The following CYP19A1 variants were observed in gnomAD, a reference collection of about 807,000 sequenced individuals.
The protein encoded by CYP19A1 is aromatase.
CYP19A1 carries 32 observed loss-of-function variants against 44.4 expected under a neutral mutation model. The ratio of observed to expected loss-of-function variants is 0.72; its 90% CI spans 0.54 to 0.97. The LOEUF (loss-of-function observed/expected upper bound fraction) is 0.97. CYP19A1 is among the 50% of genes least tolerant of loss of function. CYP19A1 has a pLI of 0.00. For synonymous variants in CYP19A1, 212 were observed against 215.6 expected, an observed-to-expected ratio of 0.98 and a Z score of 0.14; for missense variants, 598 against 637.8, an observed-to-expected ratio of 0.94 and a Z score of 0.67.
chr15:51,335,279 T>A (rs2036759251), intron 1 of CYP19A1, among the ~76,000 whole-genome samples: 2 of 152,040 alleles, frequency 1.3e-5, no homozygotes, highest in Admixed American at 1.3e-4. Flanking sequence ...AAACAATGAG[T>A]GGGCAACTCA....
intron 1 of CYP19A1, among the ~76,000 whole-genome samples, chr15:51,290,411 C>CTTT (rs1329689949): frequency 6.6e-6 from 1 of 152,132 alleles, no homozygotes; most frequent in Non-Finnish European, 1.5e-5. Flanking sequence ...AGTAAGAGCC[C>CTTT]TTTTTTATTC....
chr15:51,265,140 C>T (rs985034674), intron 1 of CYP19A1, among the ~76,000 whole-genome samples: 1 of 152,232 alleles, frequency 6.6e-6, no homozygotes, highest in African/African-American at 2.4e-5. Flanking sequence ...TTCCCAAGCA[C>T]ACTGCCCCGT....
chr15:51,212,292 A>G, intron 9 of CYP19A1, 28 bp downstream of exon 9: 1 of 1,480,662 alleles, frequency 6.8e-7, no homozygotes, highest in South Asian at 1.1e-5. Context: ...CAAGAGTGGC[A>G]CACTCAGTTT....
At chr15:51,305,614 G>A (rs982752993) in intron 1 of CYP19A1, among the ~76,000 whole-genome samples, 2 of 152,120 alleles carry the variant, frequency 1.3e-5, no homozygotes, top group Non-Finnish European at 2.9e-5. Flanking sequence ...AGGATGGAGT[G>A]CAATGGTGCA....
intron 4 of CYP19A1, among the ~76,000 whole-genome samples, chr15:51,223,593 TCACACACACACACACACACACA>T (rs5812545): frequency 1.1e-5 from 1 of 90,146 alleles, no homozygotes; most frequent in African/African-American, 4.2e-5. Context: ...TCTCTCTCTC[TCACACACACACACACACACACA>T]CACACACACA....
chr15:51,221,279 A>G (rs979520987), intron 5 of CYP19A1: 1 of 152,212 alleles, frequency 6.6e-6, no homozygotes, highest in African/African-American at 2.4e-5. Flanking sequence ...CTTTGTGTAC[A>G]TGTATTACTA....
chr15:51,209,718 CA>C lies in CYP19A1; in HGVS notation c.*1089del, dbSNP rs1442004393. On this transcript the variant is annotated 3_prime_UTR_variant, in exon 10 of 10. Coordinates refer to ENST00000396402, the MANE Select transcript of CYP19A1 (RefSeq NM_000103.4). Reference sequence around the variant, plus strand: ...TTTGAGGTAGGATTAAAAAATACTTCAGGGGTTCTACTCTGACCACGTTCTT... The same window carrying C: ...TTTGAGGTAGGATTAAAAAATACTTCGGGGTTCTACTCTGACCACGTTCTT... 2 of 152,650 alleles carry C rather than the reference CA, an allele frequency of 1.3e-5. No homozygotes were observed. The highest frequency in any genetic ancestry group is 3.4e-3 in the Middle Eastern group (1 of 294). The allele number at this position is 152,650 out of a possible 1,614,324, so 9.5% of individuals were successfully genotyped here. A position where few individuals can be genotyped will look rare whatever the true frequency, so the allele number is the denominator to read the frequency against.
intron 1 of CYP19A1, among the ~76,000 whole-genome samples, chr15:51,335,551 A>G (rs1795839044): frequency 6.6e-6 from 1 of 152,118 alleles, no homozygotes; most frequent in South Asian, 2.1e-4. Flanking sequence ...TTTTTCAACT[A>G]CCTTTTTACA....
chr15:51,299,300 G>C (rs2036064532), intron 1 of CYP19A1, among the ~76,000 whole-genome samples: 1 of 152,230 alleles, frequency 6.6e-6, no homozygotes, highest in African/African-American at 2.4e-5. Context: ...CTGCTCAGCT[G>C]ACAGATGTTT....
chr15:51,324,550 A>T (rs1228366053), intron 1 of CYP19A1, among the ~76,000 whole-genome samples: 1 of 152,276 alleles, frequency 6.6e-6, no homozygotes, highest in Admixed American at 6.5e-5. Context: ...CTTCTAATCC[A>T]GGCCAGCTCC....
At chr15:51,302,084 C>T (rs1454752534) in intron 1 of CYP19A1, among the ~76,000 whole-genome samples, 1 of 152,172 alleles carries the variant, frequency 6.6e-6, no homozygotes, top group Non-Finnish European at 1.5e-5. Flanking sequence ...GGGGGGTTCT[C>T]ATCAAGTACC....
chr15:51,235,260 G>C (rs2033315852), intron 3 of CYP19A1, among the ~76,000 whole-genome samples: 1 of 152,218 alleles, frequency 6.6e-6, no homozygotes, highest in African/African-American at 2.4e-5. Flanking sequence ...TCTTAGAGCA[G>C]TGGTTCTCAA....
rs766700313 is a variant in CYP19A1, at chr15:51,227,789, G to C, written c.441C>G (p.Phe147Leu). 1 of 1,513,198 alleles carries C rather than the reference G, an allele frequency of 6.6e-7. No homozygotes were observed. The highest frequency in any genetic ancestry group is 9.2e-7 in the Non-Finnish European group (1 of 1,088,256). 93.7% of individuals were successfully genotyped at this position (1,513,198 alleles called of 1,614,324 possible). Residue 147 changes from phenylalanine (F) to leucine (L), a missense_variant, in exon 4 of 10, where the codon TTC (phenylalanine) becomes TTG (leucine). Coordinates refer to ENST00000396402, the MANE Select transcript of CYP19A1 (RefSeq NM_000103.4). ...TAAGTACCTGCTTACCTTTCATAAAGAAGGGTCGAGTTGTTTTCCAGAGCT... is the reference window on the plus strand; with the variant it reads ...TAAGTACCTGCTTACCTTTCATAAACAAGGGTCGAGTTGTTTTCCAGAGCT... ...NPELWKTTRPFFMKALSGPGL... is the reference protein window; with the variant it reads ...NPELWKTTRPLFMKALSGPGL...
intron 1 of CYP19A1, among the ~76,000 whole-genome samples, chr15:51,284,361 C>G (rs141687596): frequency 2.0e-5 from 3 of 152,304 alleles, no homozygotes; most frequent in South Asian, 4.1e-4. Flanking sequence ...CTGGCCCAAA[C>G]AAAAGGCTTC....
intron 1 of CYP19A1, among the ~76,000 whole-genome samples, chr15:51,336,923 T>A (rs957277354): frequency 3.3e-5 from 5 of 151,880 alleles, no homozygotes; most frequent in Non-Finnish European, 5.9e-5. Context: ...TTTTTTTTTT[T>A]AATAATAAGT....
chr15:51,275,922 G>A (rs904310528), intron 1 of CYP19A1, among the ~76,000 whole-genome samples: 5 of 152,064 alleles, frequency 3.3e-5, no homozygotes, highest in East Asian at 1.9e-4. Context: ...GTGTCCCCCC[G>A]GCCAGCCCCA....
chr15:51,223,589 T>TCACACACACACA (rs1324311926), intron 4 of CYP19A1, among the ~76,000 whole-genome samples: 4 of 66,176 alleles, frequency 6.0e-5, no homozygotes, highest in African/African-American at 2.1e-4. Flanking sequence ...TCTCTCTCTC[T>TCACACACACACA]CTCTCACACA....
intron 3 of CYP19A1, among the ~76,000 whole-genome samples, chr15:51,229,221 T>C (rs1437684571): frequency 6.6e-6 from 1 of 151,914 alleles, no homozygotes; most frequent in Non-Finnish European, 1.5e-5. Flanking sequence ...ACAGGATTAT[T>C]ATTGTATAAT....
At chr15:51,231,934 G>A (rs1449323198) in intron 3 of CYP19A1, among the ~76,000 whole-genome samples, 1 of 151,750 alleles carries the variant, frequency 6.6e-6, no homozygotes, top group East Asian at 1.9e-4. Flanking sequence ...CCTATTCAAG[G>A]CCAACCCATC....
Sources: allele counts gnomAD v4.1 joint callset (sites outside exome capture counted in the v4.1 genomes callset), GRCh38; gene constraint gnomAD v4.1.1; transcripts MANE v1.5; gene names NCBI Gene and HGNC (gene_info 2026-07-23, HGNC 2026-07-21).